Variants in DISC1 observed in about 807,000 individuals in gnomAD.
DISC1 encodes disrupted in schizophrenia 1 protein.
DISC1 carries 57 observed loss-of-function variants against 84.5 expected under a neutral mutation model. The ratio of observed to expected loss-of-function variants is 0.67; its 90% CI spans 0.55 to 0.84. The LOEUF (loss-of-function observed/expected upper bound fraction) is 0.84, where lower values mean the gene tolerates loss of function less well. Ranked by LOEUF, DISC1 falls within the 40% of genes least tolerant of loss-of-function variation. The pLI, the probability that DISC1 is intolerant of heterozygous loss-of-function variation, is 0.00. For missense variants in DISC1, 1,000 were observed against 1,057.8 expected (o/e 0.95, Z 0.76); for synonymous variants, 411 against 415.2 (o/e 0.99, Z 0.12).
chr1:231,903,019 CCT>C (rs1054675075), intron 9 of DISC1, among the ~76,000 whole-genome samples: 4 of 151,780 alleles, frequency 2.6e-5, no homozygotes, highest in Non-Finnish European at 4.4e-5. Context: ...TTCTCCTTCT[CCT>C]CTCTCTTCCT....
intron 11 of DISC1, among the ~76,000 whole-genome samples, chr1:232,023,697 C>A (rs372582603): frequency 1.3e-5 from 2 of 152,116 alleles, no homozygotes; most frequent in South Asian, 2.1e-4. Context: ...TTTGTTGTAG[C>A]CGTAAGATGA....
intron 9 of DISC1, among the ~76,000 whole-genome samples, chr1:231,840,875 T>C (rs1439816135): frequency 6.6e-6 from 1 of 152,136 alleles, no homozygotes; most frequent in Non-Finnish European, 1.5e-5. Flanking sequence ...TTACAGCCCA[T>C]AGAACTGTAC....
chr1:231,793,279 C>G (rs1477343451), intron 6 of DISC1, among the ~76,000 whole-genome samples: 2 of 152,178 alleles, frequency 1.3e-5, no homozygotes, highest in Non-Finnish European at 2.9e-5. Flanking sequence ...CTTGACCTTT[C>G]CTTTTGCAGG....
At chr1:231,811,038 A>G (rs2080243568) in intron 8 of DISC1, among the ~76,000 whole-genome samples, 1 of 152,148 alleles carries the variant, frequency 6.6e-6, no homozygotes, top group African/African-American at 2.4e-5. Flanking sequence ...TTAGTCAGTC[A>G]CCAGGCACCA....
At chr1:231,721,192 C>A in intron 3 of DISC1, 1 of 1,035,134 alleles carries the variant, frequency 9.7e-7, no homozygotes, top group Non-Finnish European at 1.3e-6. Context: ...AAAAACTGTG[C>A]TGATTGAAAG....
chr1:231,848,651 A>G (rs1338914097), intron 9 of DISC1, among the ~76,000 whole-genome samples: 1 of 152,212 alleles, frequency 6.6e-6, no homozygotes, highest in Non-Finnish European at 1.5e-5. Flanking sequence ...CTAGTCATCA[A>G]AAGACCCCGA....
At chr1:231,671,256 T>G (rs1211515070) in intron 1 of DISC1, among the ~76,000 whole-genome samples, 2 of 152,200 alleles carry the variant, frequency 1.3e-5, no homozygotes, top group African/African-American at 2.4e-5. Context: ...ATTGTCCATA[T>G]TTTTGTTTGC....
intron 1 of DISC1, among the ~76,000 whole-genome samples, chr1:231,683,170 G>A (rs981159380): frequency 2.6e-5 from 4 of 152,242 alleles, no homozygotes; most frequent in Admixed American, 6.5e-5. Context: ...GAAAAAGATT[G>A]GGGGAGAGAG....
chr1:231,966,375 C>G (rs1661124429), intron 10 of DISC1, among the ~76,000 whole-genome samples: 1 of 152,146 alleles, frequency 6.6e-6, no homozygotes, highest in Non-Finnish European at 1.5e-5. Context: ...TATGGCCAAA[C>G]CTTGCTTTAG....
chr1:231,953,977 C>A (rs1484772545), intron 9 of DISC1, among the ~76,000 whole-genome samples: 1 of 152,160 alleles, frequency 6.6e-6, no homozygotes, highest in Non-Finnish European at 1.5e-5. Context: ...ACTGCTGTCC[C>A]CTTATGCAAG....
At chr1:232,007,316 ACACT>A (rs1667585042) in intron 10 of DISC1, among the ~76,000 whole-genome samples, 1 of 152,174 alleles carries the variant, frequency 6.6e-6, no homozygotes, top group South Asian at 2.1e-4. Context: ...AAAGCTGCAG[ACACT>A]CAGTGCTAGC....
intron 3 of DISC1, among the ~76,000 whole-genome samples, chr1:231,706,624 T>G (rs759819086): frequency 6.6e-6 from 1 of 152,250 alleles, no homozygotes; most frequent in African/African-American, 2.4e-5. Flanking sequence ...TAGAATTTCC[T>G]TTTTGGAGTA....
chr1:231,907,277 A>G (rs1349298928), intron 9 of DISC1, among the ~76,000 whole-genome samples: 1 of 151,456 alleles, frequency 6.6e-6, no homozygotes, highest in Non-Finnish European at 1.5e-5. Context: ...TTAACTCATC[A>G]TTTACATTAG....
At chr1:231,744,669 A>C (rs2073761662) in intron 3 of DISC1, among the ~76,000 whole-genome samples, 1 of 152,140 alleles carries the variant, frequency 6.6e-6, no homozygotes, top group South Asian at 2.1e-4. Flanking sequence ...CAAATAGCAA[A>C]AGTTCATTTT....
At chr1:231,850,887 G>A (rs1285046358) in intron 9 of DISC1, among the ~76,000 whole-genome samples, 1 of 152,158 alleles carries the variant, frequency 6.6e-6, no homozygotes, top group Non-Finnish European at 1.5e-5. Flanking sequence ...GTAGAAGTGG[G>A]AACACAAATG....
intron 7 of DISC1, among the ~76,000 whole-genome samples, chr1:231,798,113 C>CCACACACACACA (rs113265676): frequency 0.089 from 13,125 of 146,656 alleles, 804 homozygotes; most frequent in African/African-American, 0.16. Context: ...GTTAGACACA[C>CCACACACACACA]CACACACACA....
At chr1:232,010,190 C>T (rs1233650229) in intron 11 of DISC1, among the ~76,000 whole-genome samples, 2 of 152,182 alleles carry the variant, frequency 1.3e-5, no homozygotes, top group African/African-American at 2.4e-5. Flanking sequence ...GACATCTGAA[C>T]TCGTTTGTTA....
chr1:231,796,348 C>T (rs1265606853), intron 7 of DISC1, among the ~76,000 whole-genome samples: 1 of 127,962 alleles, frequency 7.8e-6, no homozygotes, highest in Non-Finnish European at 1.9e-5. Flanking sequence ...GTACCATGGT[C>T]GAAATGTAAA....
intron 10 of DISC1, among the ~76,000 whole-genome samples, chr1:231,998,751 TG>T (rs1343847369): frequency 2.0e-5 from 3 of 152,214 alleles, no homozygotes; most frequent in Admixed American, 1.3e-4. Context: ...GTATGAGTGG[TG>T]TCACAGAGTA....
Sources: gnomAD v4.1 joint callset for allele counts (sites outside exome capture counted in the v4.1 genomes callset) on GRCh38, gnomAD v4.1.1 for gene constraint, MANE v1.5 for transcripts, NCBI Gene and HGNC (gene_info 2026-07-23, HGNC 2026-07-21) for gene names.